RARB: variants seen among roughly 807,000 people sequenced by gnomAD.
The protein encoded by RARB is HBV-activated protein.
Under a neutral mutation model 51.9 loss-of-function variants are expected in RARB, and 17 were observed. That is an observed-to-expected ratio of 0.33 (90% confidence interval 0.22 to 0.49). The LOEUF (loss-of-function observed/expected upper bound fraction) is 0.49. RARB is among the 20% of genes least tolerant of loss of function. RARB has a pLI of 0.99. For synonymous variants in RARB, 215 were observed against 195.4 expected (o/e 1.10, Z -0.84); for missense variants, 369 against 550.8 (o/e 0.67, Z 3.30).
At chr3:25,020,225 T>A (rs560107436) in intron 2 of RARB, 1 of 151,912 alleles carries the variant, frequency 6.6e-6, no homozygotes, top group East Asian at 1.9e-4. Flanking sequence ...ACAGGCATGA[T>A]CCCACTGCTG....
chr3:25,204,774 G>T (rs982529283), intron 5 of RARB, among the ~76,000 whole-genome samples: 2 of 152,178 alleles, frequency 1.3e-5, no homozygotes, highest in African/African-American at 4.8e-5. Flanking sequence ...CTGCCTGAAT[G>T]TTCCTCTGGA....
At chr3:25,216,593 G>A (rs1701838107) in intron 5 of RARB, among the ~76,000 whole-genome samples, 1 of 151,958 alleles carries the variant, frequency 6.6e-6, no homozygotes, top group Admixed American at 6.6e-5. Flanking sequence ...GGGGGTGGGG[G>A]GTTGTGAGGG....
At chr3:25,379,355 A>C (rs985045048) in intron 5 of RARB, among the ~76,000 whole-genome samples, 1 of 152,200 alleles carries the variant, frequency 6.6e-6, no homozygotes, top group African/African-American at 2.4e-5. Flanking sequence ...ACAAAAAAAA[A>C]TTACTAGACT....
At chr3:25,094,075 A>G (rs1699250636) in intron 3 of RARB, among the ~76,000 whole-genome samples, 1 of 152,180 alleles carries the variant, frequency 6.6e-6, no homozygotes, top group East Asian at 1.9e-4. Flanking sequence ...CCCAGAGAAA[A>G]TGATGACAGA....
intron 5 of RARB, among the ~76,000 whole-genome samples, chr3:25,254,279 T>C (rs1702803368): frequency 6.6e-6 from 1 of 152,204 alleles, no homozygotes; most frequent in Non-Finnish European, 1.5e-5. Flanking sequence ...TGTCTTTATT[T>C]ACTTTCCATG....
intron 1 of RARB, among the ~76,000 whole-genome samples, chr3:25,433,020 A>G (rs1434783084): frequency 6.6e-6 from 1 of 152,204 alleles, no homozygotes. Flanking sequence ...TGACATTTTT[A>G]TACTTTAAAT....
chr3:24,948,178 C>CT (rs1414836849), intron 2 of RARB, among the ~76,000 whole-genome samples: 2 of 152,270 alleles, frequency 1.3e-5, no homozygotes, highest in African/African-American at 4.8e-5. Flanking sequence ...CACTGGCAGC[C>CT]TTGAAGATCT....
intron 5 of RARB, among the ~76,000 whole-genome samples, chr3:25,250,160 G>A (rs918905798): frequency 6.6e-6 from 1 of 152,188 alleles, no homozygotes; most frequent in African/African-American, 2.4e-5. Flanking sequence ...GGTGCCAGCT[G>A]TAGTAGTAAC....
intron 5 of RARB, among the ~76,000 whole-genome samples, chr3:25,313,885 C>A (rs769469254): frequency 5.3e-5 from 8 of 151,902 alleles, no homozygotes; most frequent in Non-Finnish European, 1.0e-4. Context: ...GCCTGGGCAA[C>A]GTAGTGAGAC....
At chr3:25,421,378 T>C (rs971114086) in intron 5 of RARB, among the ~76,000 whole-genome samples, 1 of 151,278 alleles carries the variant, frequency 6.6e-6, no homozygotes, top group Non-Finnish European at 1.5e-5. Flanking sequence ...CTTGCAGACA[T>C]TGCACTAACA....
chr3:25,178,898 C>T (rs1000333409), intron 5 of RARB, among the ~76,000 whole-genome samples: 1 of 152,148 alleles, frequency 6.6e-6, no homozygotes, highest in South Asian at 2.1e-4. Flanking sequence ...CCTTTCATGG[C>T]TGCTTGTTCT....
chr3:24,960,325 T>C (rs1696110870), intron 2 of RARB, among the ~76,000 whole-genome samples: 1 of 152,198 alleles, frequency 6.6e-6, no homozygotes, highest in Non-Finnish European at 1.5e-5. Context: ...TAAAGTAAGT[T>C]ATGCAGCACA....
intron 3 of RARB, among the ~76,000 whole-genome samples, chr3:25,121,019 A>G (rs1699776136): frequency 6.6e-6 from 1 of 152,142 alleles, no homozygotes; most frequent in Admixed American, 6.5e-5. Context: ...ACATAACCCC[A>G]AACTGGTAAT....
At chr3:24,961,922 T>A (rs2125412028) in intron 2 of RARB, among the ~76,000 whole-genome samples, 1 of 6,708 alleles carries the variant, frequency 1.5e-4, no homozygotes, top group East Asian at 0.021. Context: ...TGGGTGTCTT[T>A]TTTTTTTTTT....
At chr3:25,044,269 T>C (rs1396462851) in intron 2 of RARB, among the ~76,000 whole-genome samples, 2 of 152,204 alleles carry the variant, frequency 1.3e-5, no homozygotes, top group African/African-American at 4.8e-5. Context: ...CTGACATTAA[T>C]ATCTTATTCC....
chr3:24,878,235 T>G (rs573473439), intron 2 of RARB, among the ~76,000 whole-genome samples: 15 of 151,794 alleles, frequency 9.9e-5, no homozygotes, highest in Non-Finnish European at 1.8e-4. Context: ...GCTTGTAGTT[T>G]CCTTGTATGT....
intron 3 of RARB, among the ~76,000 whole-genome samples, chr3:25,536,931 C>G (rs745570895): frequency 6.6e-6 from 1 of 152,192 alleles, no homozygotes; most frequent in Non-Finnish European, 1.5e-5. Context: ...CCACATTGTG[C>G]TAAACAAGAT....
chr3:25,504,616 A>G (rs1271628726), intron 3 of RARB, among the ~76,000 whole-genome samples: 2 of 152,054 alleles, frequency 1.3e-5, no homozygotes, highest in Non-Finnish European at 2.9e-5. Flanking sequence ...CATGTCCACC[A>G]TGATTTGTCA....
chr3:25,447,036 G>A (rs1008994793), intron 1 of RARB, among the ~76,000 whole-genome samples: 1 of 151,606 alleles, frequency 6.6e-6, no homozygotes, highest in Non-Finnish European at 1.5e-5. Flanking sequence ...AAAACTGATC[G>A]TGTTAATAAT....
Sources: gnomAD v4.1 joint callset for allele counts (sites outside exome capture counted in the v4.1 genomes callset) on GRCh38, gnomAD v4.1.1 for gene constraint, MANE v1.5 for transcripts, NCBI Gene and HGNC (gene_info 2026-07-23, HGNC 2026-07-21) for gene names.